CPSF3: variants seen among roughly 807,000 people sequenced by gnomAD.
CPSF3 encodes the protein cleavage and polyadenylation specificity factor subunit 3.
Under a neutral mutation model 84.1 loss-of-function variants are expected in CPSF3, and 57 were observed. The ratio of observed to expected loss-of-function variants is 0.68; its 90% CI spans 0.55 to 0.85. The LOEUF (loss-of-function observed/expected upper bound fraction) is 0.85, where lower values mean the gene tolerates loss of function less well. Among genes scored for constraint, CPSF3 ranks in the 40% least tolerant of loss-of-function variants. The probability of loss-of-function intolerance (pLI) is 0.00; values close to 1 mark genes in which losing one functional copy is unlikely to be tolerated. For missense variants in CPSF3, 522 were observed against 838.8 expected (o/e 0.62, Z 4.66); for synonymous variants, 275 against 278.1 (o/e 0.99, Z 0.11).
intron 4 of CPSF3, among the ~76,000 whole-genome samples, chr2:9,431,246 A>T (rs1387086321): frequency 6.6e-6 from 1 of 152,122 alleles, no homozygotes; most frequent in African/African-American, 2.4e-5. Context: ...TTGAAGAGAT[A>T]GGGTCTTATG....
intron 9 of CPSF3, among the ~76,000 whole-genome samples, chr2:9,442,530 G>T (rs1680989644): frequency 6.6e-6 from 1 of 152,130 alleles, no homozygotes; most frequent in South Asian, 2.1e-4. Context: ...ATTCTATAAA[G>T]TTCTTTAGTG....
At chr2:9,430,168 G>A (rs887408260) in intron 3 of CPSF3, 148 bp downstream of exon 3, 22 of 552,544 alleles carry the variant, frequency 4.0e-5, no homozygotes, top group African/African-American at 3.0e-4. Context: ...CCAACACTCC[G>A]TAATGTCATC....
At chr2:9,424,098 G>T in intron 1 of CPSF3, 1 of 1,209,002 alleles carries the variant, frequency 8.3e-7, no homozygotes, top group Non-Finnish European at 1.0e-6. Context: ...GCCACCGCTC[G>T]CTTTCGTACA....
chr2:9,447,404 T>C (rs778966333), intron 10 of CPSF3, among the ~76,000 whole-genome samples: 25 of 150,992 alleles, frequency 1.7e-4, no homozygotes, highest in Admixed American at 8.6e-4. Flanking sequence ...GCTTGATCCC[T>C]GGAGGTTGAG....
intron 15 of CPSF3, among the ~76,000 whole-genome samples, chr2:9,463,772 C>T (rs1337525161): frequency 1.3e-5 from 2 of 152,188 alleles, no homozygotes; most frequent in South Asian, 2.1e-4. Context: ...ACACCTAGCC[C>T]GCCTGCTTTG....
intron 7 of CPSF3, among the ~76,000 whole-genome samples, chr2:9,439,962 G>A (rs1195536516): frequency 6.6e-6 from 1 of 152,186 alleles, no homozygotes; most frequent in Non-Finnish European, 1.5e-5. Context: ...CTAGTCGACA[G>A]CCTGGGTGTA....
intron 11 of CPSF3, 81 bp downstream of exon 11, chr2:9,448,431 A>G (rs1249493657): frequency 1.7e-6 from 2 of 1,157,276 alleles, no homozygotes; most frequent in African/African-American, 1.6e-5. Flanking sequence ...ATAGATCTTT[A>G]GTCAAAAGAA....
chr2:9,454,209 A>C (rs568272258), intron 12 of CPSF3, among the ~76,000 whole-genome samples: 22 of 152,146 alleles, frequency 1.4e-4, no homozygotes, highest in African/African-American at 5.1e-4. Flanking sequence ...GGAGTTCGAG[A>C]CCATCCTGGC....
At chr2:9,462,584 A>G (rs1241177977) in intron 15 of CPSF3, among the ~76,000 whole-genome samples, 3 of 152,220 alleles carry the variant, frequency 2.0e-5, no homozygotes, top group African/African-American at 4.8e-5. Flanking sequence ...GTGGTATGAC[A>G]GATAATCTCC....
intron 15 of CPSF3, among the ~76,000 whole-genome samples, chr2:9,464,749 C>T (rs368158160): frequency 2.6e-5 from 4 of 151,924 alleles, no homozygotes; most frequent in East Asian, 1.9e-4. Context: ...CACATCACCA[C>T]GCCTGGCTAA....
chr2:9,428,359 A>G (rs1015667043), intron 1 of CPSF3, among the ~76,000 whole-genome samples: 6 of 152,316 alleles, frequency 3.9e-5, no homozygotes, highest in Non-Finnish European at 7.3e-5. Flanking sequence ...CAGTGTTGAA[A>G]TGCTTATGGC....
intron 12 of CPSF3, among the ~76,000 whole-genome samples, chr2:9,455,293 G>A (rs1016565710): frequency 5.3e-5 from 8 of 152,046 alleles, no homozygotes; most frequent in South Asian, 2.1e-4. Context: ...GCGCTACCAC[G>A]CCTAGCTAAT....
chr2:9,442,514 T>A (rs1289803446), intron 9 of CPSF3, among the ~76,000 whole-genome samples: 1 of 152,226 alleles, frequency 6.6e-6, no homozygotes, highest in East Asian at 1.9e-4. Flanking sequence ...TTTATTACTT[T>A]ACCTTATTCT....
At chr2:9,436,141 A>G in intron 6 of CPSF3, 70 bp from the exon 7 acceptor site, 1 of 1,334,118 alleles carries the variant, frequency 7.5e-7, no homozygotes, top group African/African-American at 1.5e-5. Context: ...TCAGTATTTC[A>G]TTGATGTTTA....
chr2:9,446,470 A>T (rs1681126265), intron 10 of CPSF3, among the ~76,000 whole-genome samples: 1 of 151,692 alleles, frequency 6.6e-6, no homozygotes, highest in African/African-American at 2.4e-5. Context: ...AGTCCCAGCT[A>T]CTCGGGAGGC....
At position 9,451,538 on chromosome 2, in the gene CPSF3, C is replaced by G. The variant is rs137962818; in HGVS notation, c.1396-1375C>G. Among the ~76,000 whole-genome samples the G allele has an allele frequency of 4.0e-3, 601 of 152,020 alleles. 11 individuals carry two copies. Among genetic ancestry groups the G allele is most frequent in the Admixed American group, 0.019 (296 of 15,256 alleles). On this transcript the variant is annotated intron_variant, in intron 11 of 17. Coordinates refer to ENST00000238112, the MANE Select transcript of CPSF3 (RefSeq NM_016207.4). ...CAGCACCTTGGGAGGCCATAGCAGG[C>G]AGATCCCTTAAGCTCAGGAATTGAA... is the stretch of plus-strand genomic sequence containing the variant.
intron 15 of CPSF3, among the ~76,000 whole-genome samples, chr2:9,460,898 T>C (rs938964353): frequency 6.6e-6 from 1 of 152,192 alleles, no homozygotes; most frequent in African/African-American, 2.4e-5. Flanking sequence ...GGAAGTATTC[T>C]GGGAAGCCTC....
At chr2:9,470,760 A>T (rs575266039) in intron 16 of CPSF3, among the ~76,000 whole-genome samples, 1 of 152,246 alleles carries the variant, frequency 6.6e-6, no homozygotes, top group African/African-American at 2.4e-5. Context: ...TTTTCTTCAC[A>T]TGTAAAAGGG....
chr2:9,468,675 G>A (rs2124874648), intron 16 of CPSF3, among the ~76,000 whole-genome samples: 1 of 136,062 alleles, frequency 7.3e-6, no homozygotes, highest in South Asian at 2.3e-4. Flanking sequence ...CGCCCAGGCT[G>A]GAGTGCAGTG....
Sources: gnomAD v4.1 joint callset for allele counts (sites outside exome capture counted in the v4.1 genomes callset) on GRCh38, gnomAD v4.1.1 for gene constraint, MANE v1.5 for transcripts, NCBI Gene and HGNC (gene_info 2026-07-23, HGNC 2026-07-21) for gene names.